C12orf56: variants seen among roughly 807,000 people sequenced by gnomAD.
The protein encoded by C12orf56 is uncharacterized protein C12orf56.
Under a neutral mutation model 69.9 loss-of-function variants are expected in C12orf56, and 71 were observed. That is an observed-to-expected ratio of 1.02 (90% CI 0.84 to 1.24). The LOEUF is 1.24. C12orf56 is among the 50% of genes most tolerant of loss of function. The pLI is 0.00. For missense variants in C12orf56, 732 were observed against 738.5 expected (o/e 0.99, Z 0.10); for synonymous variants, 276 against 274.1 (o/e 1.01, Z -0.07).
chr12:64,375,733 G>C (rs1211622412), intron 1 of C12orf56, among the ~76,000 whole-genome samples: 2 of 151,770 alleles, frequency 1.3e-5, no homozygotes, highest in African/African-American at 4.8e-5. Flanking sequence ...ATGTGAAAAA[G>C]CTTGATAAAT....
chr12:64,386,311 T>G (rs1270866273), intron 1 of C12orf56, among the ~76,000 whole-genome samples: 1 of 151,514 alleles, frequency 6.6e-6, no homozygotes, highest in Non-Finnish European at 1.5e-5. Flanking sequence ...CCTCCCGGGT[T>G]CAAGCGATTC....
intron 11 of C12orf56, among the ~76,000 whole-genome samples, chr12:64,272,922 A>G (rs1321856590): frequency 6.6e-6 from 1 of 152,200 alleles, no homozygotes; most frequent in African/African-American, 2.4e-5. Flanking sequence ...AAGACAGTCT[A>G]GATCCCATAG....
intron 1 of C12orf56, among the ~76,000 whole-genome samples, chr12:64,365,645 A>G (rs532533726): frequency 4.1e-4 from 61 of 148,976 alleles, no homozygotes; most frequent in African/African-American, 1.4e-3. Context: ...CATGCCTGTA[A>G]TATCAGCACT....
intron 1 of C12orf56, among the ~76,000 whole-genome samples, chr12:64,356,594 G>A (rs1361110368): frequency 1.3e-5 from 2 of 152,192 alleles, no homozygotes; most frequent in Admixed American, 6.5e-5. Context: ...GGGGTGAGTA[G>A]TTTGGCAGGA....
intron 1 of C12orf56, among the ~76,000 whole-genome samples, chr12:64,377,695 C>G (rs954721475): frequency 1.3e-5 from 2 of 152,150 alleles, no homozygotes; most frequent in African/African-American, 2.4e-5. Context: ...GACCCCTAAG[C>G]TTTCAGCAGT....
At chr12:64,308,025 T>C (rs2136814646) in intron 5 of C12orf56, among the ~76,000 whole-genome samples, 1 of 150,972 alleles carries the variant, frequency 6.6e-6, no homozygotes. Context: ...CAAAAGTAAA[T>C]AAAATATAAA....
chr12:64,299,558 A>G (rs2038416437), intron 6 of C12orf56, among the ~76,000 whole-genome samples: 1 of 152,202 alleles, frequency 6.6e-6, no homozygotes, highest in Non-Finnish European at 1.5e-5. Flanking sequence ...GCAATTCAGT[A>G]TGAATAACTT....
At chr12:64,334,514 A>G (rs982539882) in intron 2 of C12orf56, among the ~76,000 whole-genome samples, 1 of 152,202 alleles carries the variant, frequency 6.6e-6, no homozygotes, top group Admixed American at 6.5e-5. Context: ...TCTCTAGATT[A>G]TTTATAATAC....
intron 8 of C12orf56, 39 bp from the exon 9 acceptor site, chr12:64,277,842 T>C (rs1203918827): frequency 7.0e-7 from 1 of 1,437,716 alleles, no homozygotes; most frequent in South Asian, 1.7e-5. Flanking sequence ...GTGAGCAAAG[T>C]GTTGAGAGGA....
chr12:64,328,541 A>C (rs747023048), intron 3 of C12orf56, among the ~76,000 whole-genome samples: 9 of 151,302 alleles, frequency 5.9e-5, no homozygotes, highest in Non-Finnish European at 1.0e-4. Flanking sequence ...TTAGCTGGAC[A>C]TGGTGGCGGG....
rs145029408 is a variant in C12orf56, at chr12:64,348,647, T to C, written c.415+4247A>G. ...GGATTACCTGATATGTTTAGGTACA[T>C]GGGTATGTTTAATCTTCCTCAGGTT... On this transcript the variant is annotated intron_variant, in intron 2 of 12. Coordinates refer to ENST00000543942, the MANE Select transcript of C12orf56 (RefSeq NM_001170633.2). 5.3e-3 allele frequency among the ~76,000 whole-genome samples: 813 copies of C among 152,276 alleles called. 5 individuals are homozygous for C. Among genetic ancestry groups the C allele is most frequent in the African/African-American group, 0.018 (757 of 41,564 alleles).
At chr12:64,325,370 A>AT (rs1286777727) in intron 3 of C12orf56, among the ~76,000 whole-genome samples, 3 of 78,362 alleles carry the variant, frequency 3.8e-5, no homozygotes, top group Non-Finnish European at 7.5e-5. Flanking sequence ...CTAAAAAAAA[A>AT]AAAAGAAGAA....
Position 64,390,711 on chromosome 12 carries a change from C to T in C12orf56, c.-146G>A. The stretch of plus-strand genomic sequence containing the variant: ...GGCGCGGGGACCCGGGCCGCAACTG[C>T]AGGAATCGACGCTAGGTCGGCTTCC... On this transcript the variant is annotated 5_prime_UTR_variant, in exon 1 of 13. Coordinates refer to ENST00000543942, the MANE Select transcript of C12orf56 (RefSeq NM_001170633.2). 8.5e-7 allele frequency: 1 copy of T among 1,177,058 alleles called. No individual in the cohort carries two copies. The highest frequency in any genetic ancestry group is 1.1e-6 in the Non-Finnish European group (1 of 897,594). The allele number at this position is 1,177,058 out of a possible 1,614,324, so 72.9% of individuals were successfully genotyped here.
intron 5 of C12orf56, among the ~76,000 whole-genome samples, chr12:64,309,489 C>G (rs2038577115): frequency 1.1e-5 from 1 of 91,196 alleles, no homozygotes; most frequent in Non-Finnish European, 2.2e-5. Context: ...CATACTCACA[C>G]TGTTTTTTTG....
chr12:64,272,357 T>C (rs2136744461), intron 11 of C12orf56, among the ~76,000 whole-genome samples: 1 of 151,728 alleles, frequency 6.6e-6, no homozygotes, highest in East Asian at 1.9e-4. Context: ...ATACAAAAAT[T>C]AGCCAGTCGT....
At chr12:64,387,793 C>T (rs1019515205) in intron 1 of C12orf56, among the ~76,000 whole-genome samples, 3 of 151,990 alleles carry the variant, frequency 2.0e-5, no homozygotes, top group African/African-American at 7.2e-5. Context: ...GCCTGGGCAA[C>T]AGAGCAAGGC....
intron 4 of C12orf56, among the ~76,000 whole-genome samples, chr12:64,314,043 C>CAAA (rs762340003): frequency 1.9e-4 from 13 of 67,088 alleles, no homozygotes; most frequent in African/African-American, 5.1e-4. Context: ...AACTCTGTCT[C>CAAA]AAAAAAAAAA....
At chr12:64,271,329 G>T (rs1442761704) in intron 11 of C12orf56, among the ~76,000 whole-genome samples, 1 of 151,844 alleles carries the variant, frequency 6.6e-6, no homozygotes, top group East Asian at 1.9e-4. Flanking sequence ...GCCAGGCATG[G>T]TGTCACATGT....
At chr12:64,368,521 T>A (rs2039528392) in intron 1 of C12orf56, among the ~76,000 whole-genome samples, 1 of 152,124 alleles carries the variant, frequency 6.6e-6, no homozygotes, top group Admixed American at 6.5e-5. Flanking sequence ...CACAAAATAA[T>A]GTACACAGGT....
Sources: allele counts gnomAD v4.1 joint callset (sites outside exome capture counted in the v4.1 genomes callset), GRCh38; gene constraint gnomAD v4.1.1; transcripts MANE v1.5; gene names NCBI Gene and HGNC (gene_info 2026-07-23, HGNC 2026-07-21).